PLXNA4: variants seen among roughly 807,000 people sequenced by gnomAD.
PLXNA4 encodes plexin A4.
PLXNA4 carries 44 observed loss-of-function variants against 191.8 expected under a neutral mutation model. The ratio of observed to expected loss-of-function variants is 0.23; its 90% CI spans 0.18 to 0.29. PLXNA4 has a LOEUF of 0.29. PLXNA4 is among the 10% of genes least tolerant of loss of function. The pLI, the probability that PLXNA4 is intolerant of heterozygous loss-of-function variation, is 1.00. For synonymous variants in PLXNA4, 1,082 were observed against 1,009.5 expected (o/e 1.07, Z -1.36); for missense variants, 1,800 against 2,488.8 (o/e 0.72, Z 5.89).
intron 3 of PLXNA4, among the ~76,000 whole-genome samples, chr7:132,404,518 C>T (rs117405455): frequency 3.3e-5 from 5 of 152,274 alleles, no homozygotes; most frequent in South Asian, 2.1e-4. Flanking sequence ...ACAACCAACA[C>T]GGCTTGCTGG....
intron 2 of PLXNA4, among the ~76,000 whole-genome samples, chr7:132,498,113 G>C (rs1361439792): frequency 6.6e-6 from 1 of 152,144 alleles, no homozygotes; most frequent in Non-Finnish European, 1.5e-5. Context: ...AAATAGAAGA[G>C]TAGAGCACAA....
At chr7:132,312,284 T>C (rs2116588790) in intron 3 of PLXNA4, among the ~76,000 whole-genome samples, 1 of 152,268 alleles carries the variant, frequency 6.6e-6, no homozygotes, top group East Asian at 1.9e-4. Flanking sequence ...CTGGCCACAG[T>C]TATTACAATT....
chr7:132,584,712 G>A (rs1029626360), intron 2 of PLXNA4, among the ~76,000 whole-genome samples: 4 of 152,082 alleles, frequency 2.6e-5, no homozygotes, highest in Non-Finnish European at 5.9e-5. Flanking sequence ...AAACTTAACA[G>A]CAGAAACCTG....
Position 132,127,967 on chromosome 7 carries a change from GTTTGA to G in PLXNA4, c.*2507_*2511del, listed in dbSNP as rs1352080299. The stretch of plus-strand genomic sequence containing the variant: ...TCTTTTTTCTTTTTTTTTTCTGCTT[GTTTGA>G]TTTTTTCTCTTAACTGTGCAAAAAA... On this transcript the variant is annotated 3_prime_UTR_variant, in exon 32 of 32. Transcript: ENST00000321063. The G allele has an allele frequency of 1.3e-5, 1 of 78,318 alleles. No individual in the cohort carries two copies. Among genetic ancestry groups the G allele is most frequent in the Non-Finnish European group, 2.6e-5 (1 of 39,098 alleles). 4.9% of individuals were successfully genotyped at this position (78,318 alleles called of 1,614,324 possible).
In PLXNA4 at chr7:132,130,293, A is replaced by T. The variant is rs568148336; in HGVS notation, c.*186T>A. On this transcript the variant is annotated 3_prime_UTR_variant, in exon 32 of 32. Coordinates refer to ENST00000321063, the MANE Select transcript of PLXNA4 (RefSeq NM_020911.2). ...CTTGGTCCAATCGTGTTGGCAGAGC[A>T]ACTGGAAGAGAAGAGATCCAGGAAG... The T allele has an allele frequency of 1.7e-5, 14 of 811,750 alleles. No individual in the cohort carries two copies. Among genetic ancestry groups the T allele is most frequent in the African/African-American group, 3.4e-5 (2 of 58,750 alleles). The allele number at this position is 811,750 out of a possible 1,614,324, so 50.3% of individuals were successfully genotyped here.
chr7:132,343,394 C>T (rs1461711641), intron 3 of PLXNA4, among the ~76,000 whole-genome samples: 1 of 152,236 alleles, frequency 6.6e-6, no homozygotes, highest in Non-Finnish European at 1.5e-5. Context: ...CATTAAATAA[C>T]TGCTCCCCTT....
intron 2 of PLXNA4, among the ~76,000 whole-genome samples, chr7:132,606,394 C>T (rs1040931027): frequency 2.6e-5 from 4 of 152,166 alleles, no homozygotes; most frequent in African/African-American, 9.7e-5. Context: ...ATCAGAAAAA[C>T]CTAGTTCCTT....
At chr7:132,416,196 T>C (rs1794654233) in intron 3 of PLXNA4, among the ~76,000 whole-genome samples, 1 of 152,174 alleles carries the variant, frequency 6.6e-6, no homozygotes, top group African/African-American at 2.4e-5. Context: ...AGAAACACTT[T>C]TCAGGATAAC....
chr7:132,599,749 C>T (rs1446604264), intron 2 of PLXNA4, among the ~76,000 whole-genome samples: 8 of 151,718 alleles, frequency 5.3e-5, no homozygotes, highest in African/African-American at 1.9e-4. Flanking sequence ...TGATAACGGC[C>T]GTCTTATTCT....
At chr7:132,179,539 A>C (rs1346016773) in intron 20 of PLXNA4, 148 bp downstream of exon 20, 1 of 1,163,340 alleles carries the variant, frequency 8.6e-7, no homozygotes, top group Non-Finnish European at 1.2e-6. Flanking sequence ...GCACAGACAC[A>C]CACACCGCCA....
At chr7:132,343,204 A>G (rs1449782971) in intron 3 of PLXNA4, among the ~76,000 whole-genome samples, 2 of 152,176 alleles carry the variant, frequency 1.3e-5, no homozygotes, top group African/African-American at 4.8e-5. Flanking sequence ...TTCCATGGAA[A>G]ATCTTCTTTT....
At chr7:132,537,245 G>A (rs1799880198) in intron 1 of PLXNA4, among the ~76,000 whole-genome samples, 1 of 152,212 alleles carries the variant, frequency 6.6e-6, no homozygotes, top group Admixed American at 6.5e-5. Context: ...GCAGCAGCCA[G>A]GTGTCCTTTT....
intron 2 of PLXNA4, among the ~76,000 whole-genome samples, chr7:132,623,023 C>T (rs911488839): frequency 1.2e-4 from 18 of 152,240 alleles, no homozygotes; most frequent in African/African-American, 4.1e-4. Context: ...TCCAGGTGAC[C>T]CTTCCAGCCC....
intron 2 of PLXNA4, among the ~76,000 whole-genome samples, chr7:132,495,817 T>A (rs2117573277): frequency 6.6e-6 from 1 of 152,306 alleles, no homozygotes; most frequent in East Asian, 1.9e-4. Context: ...CCACCAAACC[T>A]TTGGTTCCTT....
chr7:132,489,426 G>T lies in PLXNA4; in HGVS notation c.1237C>A (p.Leu413Met). 6.3e-7 allele frequency: 1 copy of T among 1,594,880 alleles called. No individual in the cohort carries two copies. Among genetic ancestry groups the T allele is most frequent in the Non-Finnish European group, 8.6e-7 (1 of 1,163,916 alleles). ...CCACGCACCATGTCGGACACTCCCAGGGGAGCATTCATGTCCAGGCCACAG... is the reference window on the plus strand; with the variant it reads ...CCACGCACCATGTCGGACACTCCCATGGGAGCATTCATGTCCAGGCCACAG... Reference protein sequence around the residue: ...NFCGLDMNAPLGVSDMVRGIP... With the variant: ...NFCGLDMNAPMGVSDMVRGIP... The change falls in exon 3 of 32, where the codon CTG (leucine) becomes ATG (methionine). Residue 413 changes from leucine (L) to methionine (M), a missense_variant. Coordinates refer to ENST00000321063, the MANE Select transcript of PLXNA4 (RefSeq NM_020911.2).
intron 1 of PLXNA4, among the ~76,000 whole-genome samples, chr7:132,522,839 G>A (rs1200537637): frequency 6.6e-6 from 1 of 152,166 alleles, no homozygotes; most frequent in Non-Finnish European, 1.5e-5. Context: ...TATAGCAAAA[G>A]TGGGAAGGGA....
chr7:132,623,032 C>G (rs189591823), intron 2 of PLXNA4, among the ~76,000 whole-genome samples: 1 of 152,150 alleles, frequency 6.6e-6, no homozygotes, highest in Admixed American at 6.5e-5. Context: ...CCCTTCCAGC[C>G]CCTTCTCCAT....
chr7:132,148,884 C>A (rs1795512109), intron 25 of PLXNA4, among the ~76,000 whole-genome samples: 1 of 152,208 alleles, frequency 6.6e-6, no homozygotes, highest in African/African-American at 2.4e-5. Context: ...ATCACTTATC[C>A]ACCCTTGCCC....
chr7:132,484,693 T>C lies in PLXNA4; in HGVS notation c.1371+4599A>G, dbSNP rs576479635. 2.8e-6 allele frequency: 4 copies of C among 1,452,956 alleles called. No homozygotes were observed. The Admixed American group carries it at 8.3e-5, about 30-fold the overall frequency. The allele number at this position is 1,452,956 out of a possible 1,614,324, so 90.0% of individuals were successfully genotyped here. A position where few individuals can be genotyped will look rare whatever the true frequency, so the allele number is the denominator to read the frequency against. ...CTCTGCCCTAACCACATGTTCCTAG[T>C]CTATTTGGTGTTCCAACATTGTATC... On this transcript the variant is annotated intron_variant, in intron 3 of 31. Coordinates refer to ENST00000321063, the MANE Select transcript of PLXNA4 (RefSeq NM_020911.2).
Sources: gnomAD v4.1 joint callset for allele counts (sites outside exome capture counted in the v4.1 genomes callset) on GRCh38, gnomAD v4.1.1 for gene constraint, MANE v1.5 for transcripts, NCBI Gene and HGNC (gene_info 2026-07-23, HGNC 2026-07-21) for gene names.